Variants in MCC observed in about 807,000 individuals in gnomAD.
MCC encodes the protein colorectal mutant cancer protein.
A neutral mutation model predicts 116.2 loss-of-function variants in MCC; 90 were observed. The observed-to-expected ratio is 0.77, with a 90% CI of 0.65 to 0.92. The LOEUF (loss-of-function observed/expected upper bound fraction) is 0.92, where lower values mean the gene tolerates loss of function less well. MCC is among the 40% of genes least tolerant of loss of function. The probability of loss-of-function intolerance (pLI) is 0.00; values close to 1 mark genes in which losing one functional copy is unlikely to be tolerated. For missense variants in MCC, 1,516 were observed against 1,312.2 expected, an observed-to-expected ratio of 1.16 and a Z score of -2.40; for synonymous variants, 578 against 510.5, an observed-to-expected ratio of 1.13 and a Z score of -1.78.
rs200525451 is a variant in MCC, at chr5:113,068,083, G to T, written c.2026C>A (p.Pro676Thr). The T allele has an allele frequency of 2.5e-6, 4 of 1,613,782 alleles. No individual in the cohort carries two copies. The East Asian group carries it at 8.9e-5, about 36-fold the overall frequency. ...QFRAAGVGSS[P>T]GDQSGDENIT... ...GAGGGACTCTGGAGACACTTACCAG[G>T]GGAGGACCCCACGCCCGCCGCTCGG... is the stretch of plus-strand genomic sequence containing the variant. The change falls in exon 13 of 19, where the codon CCT (proline) becomes ACT (threonine). Residue 676 changes from proline to threonine, a missense_variant. By Grantham distance (38) the Pro-to-Thr change is conservative. Coordinates refer to ENST00000408903, the MANE Select transcript of MCC (RefSeq NM_001085377.2).
At chr5:113,273,887 C>G (rs950931483) in intron 3 of MCC, among the ~76,000 whole-genome samples, 1 of 152,166 alleles carries the variant, frequency 6.6e-6, no homozygotes, top group Non-Finnish European at 1.5e-5. Context: ...TTCCTGTCTC[C>G]TTCCTTCATC....
At chr5:113,302,874 C>T (rs1299855871) in intron 3 of MCC, among the ~76,000 whole-genome samples, 1 of 152,126 alleles carries the variant, frequency 6.6e-6, no homozygotes, top group Non-Finnish European at 1.5e-5. Flanking sequence ...GCAAGGAAAC[C>T]TGTTAAAGGC....
chr5:113,327,561 A>AAATATATATATATATATATAT (rs1480996383), intron 3 of MCC, among the ~76,000 whole-genome samples: 1 of 80,578 alleles, frequency 1.2e-5, no homozygotes, highest in Non-Finnish European at 2.5e-5. Flanking sequence ...AAAAAAAAAA[A>AAATATATATATATATATATAT]ATATATATAT....
At chr5:113,101,975 A>G (rs761667806) in intron 7 of MCC, 30 bp from the exon 8 acceptor site, 3 of 1,610,232 alleles carry the variant, frequency 1.9e-6, no homozygotes, top group Non-Finnish European at 1.7e-6. Flanking sequence ...AGAAAAGTCA[A>G]GTAAGTTACC....
chr5:113,364,212 C>T (rs931656664), intron 2 of MCC, among the ~76,000 whole-genome samples: 1 of 110,794 alleles, frequency 9.0e-6, no homozygotes, highest in Non-Finnish European at 1.6e-5. Context: ...GCCTGGGTGA[C>T]AGAGTGAGAC....
chr5:113,298,963 T>C (rs569604157), intron 3 of MCC, among the ~76,000 whole-genome samples: 1 of 152,124 alleles, frequency 6.6e-6, no homozygotes, highest in East Asian at 1.9e-4. Context: ...CAAGTATAGG[T>C]GGGACATGCT....
intron 5 of MCC, among the ~76,000 whole-genome samples, chr5:113,133,827 G>A (rs989195337): frequency 1.3e-5 from 2 of 152,044 alleles, no homozygotes; most frequent in Admixed American, 6.5e-5. Context: ...TTTTAACTGG[G>A]GAGAGAGAAT....
At chr5:113,174,498 G>A (rs1248582533) in intron 3 of MCC, among the ~76,000 whole-genome samples, 1 of 152,032 alleles carries the variant, frequency 6.6e-6, no homozygotes, top group Non-Finnish European at 1.5e-5. Flanking sequence ...CTACAGGAGA[G>A]TAAATAAATA....
rs547658505 is a variant in MCC, at chr5:113,142,019, A to AAG, written c.884+1197_884+1198dup. ...GTACTTCTAACCTACAATCACTGTG[A>AAG]AGACCAATATACAATTTAAAAGCCT... On this transcript the variant is annotated intron_variant, in intron 5 of 18. Coordinates refer to ENST00000408903, the MANE Select transcript of MCC (RefSeq NM_001085377.2). Among the ~76,000 whole-genome samples the AAG allele has an allele frequency of 2.6e-5, 4 of 152,328 alleles. No individual in the cohort carries two copies. The South Asian group carries it at 8.3e-4, about 32-fold the overall frequency.
At chr5:113,474,907 T>G (rs1772197404) in intron 1 of MCC, among the ~76,000 whole-genome samples, 1 of 152,204 alleles carries the variant, frequency 6.6e-6, no homozygotes, top group Non-Finnish European at 1.5e-5. Context: ...ATTGAACAAA[T>G]AAAGCCCTCT....
intron 11 of MCC, among the ~76,000 whole-genome samples, chr5:113,077,272 C>G (rs1490583029): frequency 6.6e-6 from 1 of 152,128 alleles, no homozygotes; most frequent in Non-Finnish European, 1.5e-5. Context: ...ACAAGGATAT[C>G]CAGGAATTGA....
chr5:113,133,888 C>T (rs965060769), intron 5 of MCC, among the ~76,000 whole-genome samples: 6 of 152,100 alleles, frequency 3.9e-5, no homozygotes, highest in Non-Finnish European at 7.4e-5. Context: ...GCCATTTGTA[C>T]GTCTTCTTTT....
At chr5:113,390,819 A>G (rs1028345422) in intron 1 of MCC, among the ~76,000 whole-genome samples, 1 of 152,212 alleles carries the variant, frequency 6.6e-6, no homozygotes, top group Non-Finnish European at 1.5e-5. Flanking sequence ...CTCAACTAAC[A>G]GAGACCCCTG....
At chr5:113,111,141 G>T (rs1156249782) in intron 6 of MCC, among the ~76,000 whole-genome samples, 1 of 152,162 alleles carries the variant, frequency 6.6e-6, no homozygotes, top group Non-Finnish European at 1.5e-5. Flanking sequence ...TTTTTATGTT[G>T]CTGTTTGGGG....
At chr5:113,050,809 G>C (rs1752434772) in intron 15 of MCC, among the ~76,000 whole-genome samples, 1 of 152,224 alleles carries the variant, frequency 6.6e-6, no homozygotes, top group Non-Finnish European at 1.5e-5. Context: ...GCAGGTGCTG[G>C]CCAGCAAGGC....
At chr5:113,168,615 T>G (rs1366202958) in intron 3 of MCC, among the ~76,000 whole-genome samples, 2 of 152,178 alleles carry the variant, frequency 1.3e-5, no homozygotes, top group South Asian at 4.1e-4. Context: ...TTCCAGAATA[T>G]ACCACAGGCA....
At chr5:113,066,913 T>A (rs1375300777) in intron 13 of MCC, among the ~76,000 whole-genome samples, 1 of 152,194 alleles carries the variant, frequency 6.6e-6, no homozygotes, top group Admixed American at 6.5e-5. Flanking sequence ...GCTTTCTGTT[T>A]ACTTGCTATT....
chr5:113,485,803 C>T (rs912653032), intron 1 of MCC, among the ~76,000 whole-genome samples: 2 of 152,204 alleles, frequency 1.3e-5, no homozygotes, highest in African/African-American at 2.4e-5. Context: ...GACATATAGT[C>T]ATCTGAAATT....
intron 1 of MCC, among the ~76,000 whole-genome samples, chr5:113,466,357 C>T (rs1295310034): frequency 3.7e-5 from 5 of 133,568 alleles, no homozygotes; most frequent in African/African-American, 5.6e-5. Flanking sequence ...CAACACTTCC[C>T]GATGTGTGAT....
Sources: allele counts gnomAD v4.1 joint callset (sites outside exome capture counted in the v4.1 genomes callset), GRCh38; gene constraint gnomAD v4.1.1; transcripts MANE v1.5; gene names NCBI Gene and HGNC (gene_info 2026-07-23, HGNC 2026-07-21).